Variants in ADGRF5 observed in about 807,000 individuals in gnomAD.
ADGRF5 encodes G-protein coupled receptor 116.
ADGRF5 carries 75 observed loss-of-function variants against 132.3 expected under a neutral mutation model. The ratio of observed to expected loss-of-function variants is 0.57; its 90% CI spans 0.47 to 0.69. The LOEUF (loss-of-function observed/expected upper bound fraction) is 0.69, where lower values mean the gene tolerates loss of function less well. Ranked by LOEUF, ADGRF5 falls within the 30% of genes least tolerant of loss-of-function variation. The pLI is 0.00. For synonymous variants in ADGRF5, 629 were observed against 597.6 expected (o/e 1.05, Z -0.77); for missense variants, 1,516 against 1,630.6 (o/e 0.93, Z 1.21).
chr6:46,868,125 A>T (rs1182994241), intron 12 of ADGRF5, among the ~76,000 whole-genome samples: 1 of 152,228 alleles, frequency 6.6e-6, no homozygotes, highest in African/African-American at 2.4e-5. Flanking sequence ...TAGACTGATT[A>T]ATCTCATAGT....
At position 46,856,860 on chromosome 6, in the gene ADGRF5, C is replaced by T. The variant is rs533372896; in HGVS notation, c.3816+7G>A. Reference sequence around the variant, plus strand: ...TTCTAGAAACATGAAACTGTCATTGCTCTTACCTTCAGATCCCAGAGGCAT... The same window carrying T: ...TTCTAGAAACATGAAACTGTCATTGTTCTTACCTTCAGATCCCAGAGGCAT... On this transcript the variant is annotated splice_region_variant and intron_variant, in intron 18 of 20. Coordinates refer to ENST00000283296, the MANE Select transcript of ADGRF5 (RefSeq NM_001098518.2). The T allele has an allele frequency of 6.2e-6, 10 of 1,609,394 alleles. No individual in the cohort carries two copies. The East Asian group carries it at 1.6e-4, about 25-fold the overall frequency.
intron 1 of ADGRF5, among the ~76,000 whole-genome samples, chr6:46,917,629 ATT>A (rs1306893227): frequency 2.0e-5 from 3 of 152,146 alleles, no homozygotes; most frequent in Non-Finnish European, 4.4e-5. Flanking sequence ...CTCGATAAAT[ATT>A]GTTTGTTATT....
At chr6:46,927,363 G>T (rs903062893) in intron 1 of ADGRF5, among the ~76,000 whole-genome samples, 16 of 152,072 alleles carry the variant, frequency 1.1e-4, no homozygotes, top group African/African-American at 3.9e-4. Context: ...TAGTATTAAA[G>T]TTGAAAGGCT....
intron 1 of ADGRF5, among the ~76,000 whole-genome samples, chr6:46,941,485 G>GA (rs1236442657): frequency 6.5e-5 from 8 of 123,034 alleles, no homozygotes; most frequent in Non-Finnish European, 8.9e-5. Context: ...GAAAAGAAAA[G>GA]AAAGAAAAGA....
intron 1 of ADGRF5, among the ~76,000 whole-genome samples, chr6:46,908,369 G>A (rs1045315832): frequency 2.6e-5 from 4 of 152,064 alleles, no homozygotes; most frequent in African/African-American, 9.7e-5. Context: ...AATGAGTCAG[G>A]TATTTAGGAG....
chr6:46,871,718 C>G, intron 11 of ADGRF5, 125 bp downstream of exon 11: 2 of 586,866 alleles, frequency 3.4e-6, no homozygotes, highest in South Asian at 7.5e-5. Flanking sequence ...TGTGATTTGC[C>G]CTAACCACAC....
At chr6:46,899,910 C>G (rs1774574121) in intron 3 of ADGRF5, 119 bp downstream of exon 3, 1 of 731,418 alleles carries the variant, frequency 1.4e-6, no homozygotes, top group Non-Finnish European at 2.5e-6. Flanking sequence ...TCACACTGCA[C>G]TATATGACCC....
chr6:46,855,055 T>C (rs1043337057), intron 20 of ADGRF5, among the ~76,000 whole-genome samples: 3 of 152,206 alleles, frequency 2.0e-5, no homozygotes, highest in African/African-American at 7.2e-5. Context: ...TCCTGGGGCT[T>C]ATTTTCCTGT....
upstream of ADGRF5, among the ~76,000 whole-genome samples, chr6:46,923,732 G>T (rs906966627): frequency 6.6e-6 from 1 of 152,080 alleles, no homozygotes; most frequent in Non-Finnish European, 1.5e-5. Context: ...CCTGCTTGTT[G>T]TTAGGAACAC....
At chr6:46,889,553 T>C (rs1268878752) in intron 3 of ADGRF5, among the ~76,000 whole-genome samples, 1 of 91,688 alleles carries the variant, frequency 1.1e-5, no homozygotes, top group African/African-American at 7.7e-5. Context: ...TATATATATA[T>C]GTGTGTGTGT....
upstream of ADGRF5, among the ~76,000 whole-genome samples, chr6:46,923,613 G>A (rs1777104837): frequency 6.6e-6 from 1 of 152,154 alleles, no homozygotes; most frequent in Non-Finnish European, 1.5e-5. Context: ...CTTTTTTCCT[G>A]CTCGTATTTT....
Position 46,856,065 on chromosome 6 carries a change from G to A in ADGRF5, c.3877-7C>T, listed in dbSNP as rs199907014. 2.5e-4 allele frequency: 364 copies of A among 1,429,750 alleles called. 1 individual carries two copies. Among genetic ancestry groups the A allele is most frequent in the Middle Eastern group, 9.8e-4 (4 of 4,096 alleles). The allele number at this position is 1,429,750 out of a possible 1,614,324, so 88.6% of individuals were successfully genotyped here. A position where few individuals can be genotyped will look rare whatever the true frequency, so the allele number is the denominator to read the frequency against. Reference sequence around the variant, plus strand: ...ATGAACCCAGGGATGTTGACTAGAAGAGAGAAAAAAAGGGACAATCACAAA... The same window carrying A: ...ATGAACCCAGGGATGTTGACTAGAAAAGAGAAAAAAAGGGACAATCACAAA... On this transcript the variant is annotated splice_region_variant and splice_polypyrimidine_tract_variant and intron_variant, in intron 19 of 20. Transcript: ENST00000283296.
At chr6:46,941,340 C>CAG (rs1778037417) in intron 1 of ADGRF5, among the ~76,000 whole-genome samples, 1 of 136,208 alleles carries the variant, frequency 7.3e-6, no homozygotes, top group South Asian at 2.4e-4. Context: ...GAAAGAAAGA[C>CAG]AGAGAGAGAG....
upstream of ADGRF5, among the ~76,000 whole-genome samples, chr6:46,925,071 T>G (rs1408951459): frequency 6.6e-6 from 1 of 152,206 alleles, no homozygotes; most frequent in African/African-American, 2.4e-5. Context: ...CGTGCTCAAC[T>G]CATCTCCCGT....
rs746345157 is a variant in ADGRF5 at position 46,879,939 on chromosome 6, G to A, written c.915C>T (p.Arg305=). 2 of 1,613,862 alleles carry A rather than the reference G, an allele frequency of 1.2e-6. No individual in the cohort carries two copies. Among genetic ancestry groups the A allele is most frequent in the Non-Finnish European group, 8.5e-7 (1 of 1,179,756 alleles). ...GGATTTCCAACTGCTGTTCTTCATAGCGCCAAGACACATTGGAGGACAAAA... is the reference window on the plus strand; with the variant it reads ...GGATTTCCAACTGCTGTTCTTCATAACGCCAAGACACATTGGAGGACAAAA... ...KEVLSSNVSW[R]YEEQQLEIQN... is the part of the protein sequence containing the mutation. The change falls in exon 9 of 21, where the codon CGC becomes CGT. Residue 305 remains arginine, a synonymous_variant. Transcript: ENST00000283296.
intron 1 of ADGRF5, among the ~76,000 whole-genome samples, chr6:46,953,831 G>C (rs1435931100): frequency 6.6e-6 from 1 of 151,414 alleles, no homozygotes; most frequent in African/African-American, 2.4e-5. Context: ...AAATAAGCTA[G>C]AAAAGAATAG....
chr6:46,921,320 T>C (rs1468445601), intron 1 of ADGRF5, among the ~76,000 whole-genome samples: 3 of 152,146 alleles, frequency 2.0e-5, no homozygotes, highest in African/African-American at 4.8e-5. Flanking sequence ...ACCACAGCAA[T>C]GGCCGACTGG....
chr6:46,935,458 C>A (rs906523559), intron 1 of ADGRF5, among the ~76,000 whole-genome samples: 3 of 152,166 alleles, frequency 2.0e-5, no homozygotes, highest in Admixed American at 6.5e-5. Context: ...TTCATGCAAG[C>A]ACAGGAGACC....
At chr6:46,903,764 T>C (rs1431414302) in intron 2 of ADGRF5, among the ~76,000 whole-genome samples, 1 of 152,196 alleles carries the variant, frequency 6.6e-6, no homozygotes. Flanking sequence ...TTTATTTGTA[T>C]CAAAAGTAAT....
Sources: gnomAD v4.1 joint callset for allele counts (sites outside exome capture counted in the v4.1 genomes callset) on GRCh38, gnomAD v4.1.1 for gene constraint, MANE v1.5 for transcripts, NCBI Gene and HGNC (gene_info 2026-07-23, HGNC 2026-07-21) for gene names.